MAML3: variants seen among roughly 807,000 people sequenced by gnomAD.
MAML3 encodes the protein mastermind-like protein 3.
In MAML3, 27 loss-of-function variants were observed where a neutral mutation model predicts 101.9. That is an observed-to-expected ratio of 0.27 (90% confidence interval 0.20 to 0.37). MAML3 has a LOEUF of 0.37. MAML3 is among the 10% of genes least tolerant of loss of function. The pLI, the probability that MAML3 is intolerant of heterozygous loss-of-function variation, is 1.00. For synonymous variants in MAML3, 501 were observed against 555.9 expected, an observed-to-expected ratio of 0.90 and a Z score of 1.39; for missense variants, 1,316 against 1,444.9, an observed-to-expected ratio of 0.91 and a Z score of 1.45.
Position 139,838,861 on chromosome 4 carries a change from T to C in MAML3, c.2079+50496A>G, listed in dbSNP as rs977014945. ...GATGTGGTGTCCTCCTCCCTTCCCTTGATTTGTAATGGTGAGGTTAACAAT... is the reference window on the plus strand; with the variant it reads ...GATGTGGTGTCCTCCTCCCTTCCCTCGATTTGTAATGGTGAGGTTAACAAT... On this transcript the variant is annotated intron_variant, in intron 2 of 4. Coordinates refer to ENST00000509479, the MANE Select transcript of MAML3 (RefSeq NM_018717.5). Among the ~76,000 whole-genome samples, 4 of 152,288 alleles carry C rather than the reference T, an allele frequency of 2.6e-5. No individual in the cohort carries two copies. In the East Asian group the frequency reaches 5.8e-4, roughly 22 times the overall value.
chr4:139,960,871 GA>G (rs1733999671), intron 1 of MAML3, among the ~76,000 whole-genome samples: 3 of 152,098 alleles, frequency 2.0e-5, no homozygotes, highest in Non-Finnish European at 2.9e-5. Flanking sequence ...AAAAAAAAAT[GA>G]GGCAAATGTT....
At chr4:139,778,970 G>A (rs1241884504) in intron 2 of MAML3, among the ~76,000 whole-genome samples, 4 of 141,678 alleles carry the variant, frequency 2.8e-5, no homozygotes, top group South Asian at 4.6e-4. Context: ...GTGACAGAGC[G>A]AGACTCCACC....
intron 3 of MAML3, among the ~76,000 whole-genome samples, chr4:139,727,459 C>T (rs2110978234): frequency 6.6e-6 from 1 of 152,324 alleles, no homozygotes. Context: ...CTGTGGGGGA[C>T]TGAGGGTGTA....
chr4:139,884,615 GT>G (rs1302847008), intron 2 of MAML3, among the ~76,000 whole-genome samples: 1 of 152,184 alleles, frequency 6.6e-6, no homozygotes, highest in Non-Finnish European at 1.5e-5. Flanking sequence ...TTGCTCCATT[GT>G]TTTTTGTTTG....
At chr4:140,033,218 G>T (rs1431559062) in intron 1 of MAML3, among the ~76,000 whole-genome samples, 1 of 152,176 alleles carries the variant, frequency 6.6e-6, no homozygotes, top group East Asian at 1.9e-4. Flanking sequence ...AAATGGCAAG[G>T]GCTTTTCCAT....
intron 2 of MAML3, among the ~76,000 whole-genome samples, chr4:139,732,911 CAA>C (rs1180406576): frequency 6.6e-5 from 10 of 152,108 alleles, no homozygotes; most frequent in Non-Finnish European, 1.3e-4. Context: ...TATAAATACA[CAA>C]AGACAGCTAG....
chr4:139,740,969 C>T (rs111752829), intron 2 of MAML3, among the ~76,000 whole-genome samples: 12 of 152,280 alleles, frequency 7.9e-5, no homozygotes, highest in African/African-American at 2.4e-4. Flanking sequence ...AGGGAGGGCC[C>T]GTGTCAGCCT....
chr4:140,152,728 C>T, intron 1 of MAML3, 132 bp downstream of exon 1: 2 of 1,435,064 alleles, frequency 1.4e-6, no homozygotes, highest in Non-Finnish European at 1.8e-6. Context: ...GACGTTAACC[C>T]TTAGGCTTCA....
At chr4:140,089,718 G>A (rs1016766316) in intron 1 of MAML3, among the ~76,000 whole-genome samples, 13 of 152,210 alleles carry the variant, frequency 8.5e-5, no homozygotes, top group African/African-American at 3.1e-4. Context: ...ATGGAGAGCA[G>A]ATCAGTGGTT....
chr4:139,856,025 G>C (rs761748418), intron 2 of MAML3, among the ~76,000 whole-genome samples: 4 of 152,152 alleles, frequency 2.6e-5, no homozygotes, highest in Non-Finnish European at 5.9e-5. Flanking sequence ...AGATGGACCT[G>C]TGTTTACCAG....
chr4:140,141,975 T>C (rs557608779), intron 1 of MAML3, among the ~76,000 whole-genome samples: 15 of 152,312 alleles, frequency 9.8e-5, no homozygotes, highest in African/African-American at 3.4e-4. Flanking sequence ...TACAAGGATA[T>C]ATGAATAAGG....
chr4:140,011,116 T>TGG, intron 1 of MAML3, among the ~76,000 whole-genome samples: 1 of 77,784 alleles, frequency 1.3e-5, no homozygotes, highest in African/African-American at 4.3e-5. Context: ...AAAAAAAGTG[T>TGG]GTGTGTATAT....
Position 139,735,966 on chromosome 4 carries a change from A to G in MAML3, c.2080-5299T>C, listed in dbSNP as rs1210356546. The stretch of plus-strand genomic sequence containing the variant: ...GTGTGCTCCAGCGGGCGCATTTCCC[A>G]GGCCCCGCCACATCGTGTGTGTTAG... On this transcript the variant is annotated intron_variant, in intron 2 of 4. Transcript: ENST00000509479. This position sits in a 1 kb window ranked among gnomAD's most constrained non-coding sequence, Gnocchi z 5.8. Among the ~76,000 whole-genome samples, 2 of 152,142 alleles carry G rather than the reference A, an allele frequency of 1.3e-5. No homozygotes were observed. Among genetic ancestry groups the G allele is most frequent in the African/African-American group, 4.8e-5 (2 of 41,448 alleles).
intron 1 of MAML3, among the ~76,000 whole-genome samples, chr4:140,077,241 A>G (rs1727783157): frequency 6.6e-6 from 1 of 152,212 alleles, no homozygotes; most frequent in Non-Finnish European, 1.5e-5. Context: ...ATAGAGAATC[A>G]TTCTTGATCT....
intron 1 of MAML3, among the ~76,000 whole-genome samples, chr4:139,900,125 G>A (rs1732687883): frequency 6.6e-6 from 1 of 152,166 alleles, no homozygotes; most frequent in Non-Finnish European, 1.5e-5. Context: ...TTTTAGAAAT[G>A]ACCATGATCT....
intron 1 of MAML3, among the ~76,000 whole-genome samples, chr4:139,975,309 G>A (rs1449889707): frequency 6.6e-6 from 1 of 151,996 alleles, no homozygotes; most frequent in African/African-American, 2.4e-5. Flanking sequence ...TCTTTCCTCA[G>A]GTATCTCCAT....
intron 2 of MAML3, among the ~76,000 whole-genome samples, chr4:139,766,261 T>C (rs1729857861): frequency 6.6e-6 from 1 of 152,046 alleles, no homozygotes; most frequent in Non-Finnish European, 1.5e-5. Flanking sequence ...AGCCTCCGCC[T>C]CCTGGGTTCA....
At chr4:140,141,149 G>A (rs749735441) in intron 1 of MAML3, among the ~76,000 whole-genome samples, 1 of 152,138 alleles carries the variant, frequency 6.6e-6, no homozygotes, top group Non-Finnish European at 1.5e-5. Flanking sequence ...AAATATAGAC[G>A]ATAATTATTA....
At chr4:139,874,739 T>C (rs1380406838) in intron 2 of MAML3, among the ~76,000 whole-genome samples, 1 of 152,102 alleles carries the variant, frequency 6.6e-6, no homozygotes, top group African/African-American at 2.4e-5. Flanking sequence ...CTATTTTAAA[T>C]GCTTAACGTA....
Sources: gnomAD v4.1 joint callset for allele counts (sites outside exome capture counted in the v4.1 genomes callset) on GRCh38, gnomAD v4.1.1 for gene constraint, Gnocchi (gnomAD v3.1) non-coding constraint, MANE v1.5 for transcripts, NCBI Gene and HGNC (gene_info 2026-07-23, HGNC 2026-07-21) for gene names.